The following TRAPPC10 variants were observed in gnomAD, a reference collection of about 807,000 sequenced individuals.
TRAPPC10 encodes the protein TRAPP 130 kDa subunit.
A neutral mutation model predicts 125.5 loss-of-function variants in TRAPPC10; 23 were observed. That is an observed-to-expected ratio of 0.18 (90% CI 0.13 to 0.26). The LOEUF (loss-of-function observed/expected upper bound fraction) is 0.26, where lower values mean the gene tolerates loss of function less well. TRAPPC10 is among the 10% of genes least tolerant of loss of function. The pLI is 1.00. For synonymous variants in TRAPPC10, 509 were observed against 518.0 expected, an observed-to-expected ratio of 0.98 and a Z score of 0.24; for missense variants, 1,123 against 1,308.4, an observed-to-expected ratio of 0.86 and a Z score of 2.19.
At chr21:44,012,617 C>A (rs1321674100) in intron 1 of TRAPPC10, 57 bp downstream of exon 1, 4 of 1,447,650 alleles carry the variant, frequency 2.8e-6, no homozygotes, top group African/African-American at 2.9e-5. Context: ...CGGGCCCTGG[C>A]GTTATGCACC....
chr21:44,082,599 ATAT>A lies in TRAPPC10; in HGVS notation c.1724-187_1724-185del, dbSNP rs2037831067. ...CTAGGCATTACGTAGGTATTTGCTAATATTCTGCTTTTGATACAATAGCCTTTG... is the reference window on the plus strand; with the variant it reads ...CTAGGCATTACGTAGGTATTTGCTAATCTGCTTTTGATACAATAGCCTTTG... On this transcript the variant is annotated intron_variant, in intron 13 of 22. Coordinates refer to ENST00000291574, the MANE Select transcript of TRAPPC10 (RefSeq NM_003274.5). The surrounding 1 kb of genome is among the most constrained non-coding windows in gnomAD (Gnocchi z 4.4). 6.6e-6 allele frequency among the ~76,000 whole-genome samples: 1 copy of A among 151,912 alleles called. No homozygotes were observed. The highest frequency in any genetic ancestry group is 2.1e-4 in the South Asian group (1 of 4,824).
intron 15 of TRAPPC10, 145 bp from the exon 16 acceptor site, chr21:44,086,657 A>G: frequency 1.2e-6 from 1 of 844,712 alleles, no homozygotes; most frequent in Non-Finnish European, 1.9e-6. Flanking sequence ...GCAGAAGGGA[A>G]TGGAAGTAGA....
intron 19 of TRAPPC10, 72 bp downstream of exon 19, chr21:44,092,121 T>G: frequency 1.3e-6 from 2 of 1,573,718 alleles, no homozygotes; most frequent in Non-Finnish European, 1.7e-6. Context: ...ATGTAGTATG[T>G]GTTGCGACTG....
intron 3 of TRAPPC10, among the ~76,000 whole-genome samples, chr21:44,049,058 C>T (rs568532221): frequency 1.3e-5 from 2 of 152,268 alleles, no homozygotes; most frequent in South Asian, 2.1e-4. Flanking sequence ...TCTCAGGGCT[C>T]AGCCCTGGCT....
chr21:44,033,855 C>A (rs2033778545), intron 2 of TRAPPC10, among the ~76,000 whole-genome samples: 1 of 152,024 alleles, frequency 6.6e-6, no homozygotes. Flanking sequence ...AGAGCAAGAC[C>A]CTGGCTAAAA....
At chr21:44,075,257 C>T in intron 9 of TRAPPC10, 104 bp downstream of exon 9, 1 of 802,968 alleles carries the variant, frequency 1.2e-6, no homozygotes, top group South Asian at 1.7e-5. Flanking sequence ...AATCATATTA[C>T]TCACCATTTG....
At chr21:44,081,652 C>T (rs577630980) in intron 13 of TRAPPC10, among the ~76,000 whole-genome samples, 32 of 152,048 alleles carry the variant, frequency 2.1e-4, no homozygotes, top group South Asian at 6.3e-4. Flanking sequence ...CCTGGGAGGC[C>T]GGGGCAGGCA....
chr21:44,083,405 GT>G lies in TRAPPC10; in HGVS notation c.2238+105del, dbSNP rs555724555. The G allele has an allele frequency of 6.5e-4, 855 of 1,311,342 alleles. 4 individuals are homozygous for G. In the African/African-American group the frequency reaches 0.011, roughly 17 times the overall value. The allele number at this position is 1,311,342 out of a possible 1,614,324, so 81.2% of individuals were successfully genotyped here. ...TGCTGTGAATTGAGTAGAGTCCTTTGTTCTCCTAACCCTGTTTTTGTCTCTG... is the reference window on the plus strand; with the variant it reads ...TGCTGTGAATTGAGTAGAGTCCTTTGTCTCCTAACCCTGTTTTTGTCTCTG... On this transcript the variant is annotated intron_variant, in intron 14 of 22. Transcript: ENST00000291574.
chr21:44,093,005 C>T (rs2038692580), intron 19 of TRAPPC10, among the ~76,000 whole-genome samples: 1 of 152,102 alleles, frequency 6.6e-6, no homozygotes, highest in Non-Finnish European at 1.5e-5. Flanking sequence ...CCATGTTGGT[C>T]AGGCTGGTCT....
chr21:44,075,200 GA>G, intron 9 of TRAPPC10, 47 bp downstream of exon 9: 1 of 1,374,826 alleles, frequency 7.3e-7, no homozygotes. Flanking sequence ...GGACAGTAAT[GA>G]AAATGTCCTT....
intron 10 of TRAPPC10, among the ~76,000 whole-genome samples, chr21:44,077,295 A>G (rs145693990): frequency 3.0e-4 from 45 of 152,346 alleles, no homozygotes; most frequent in African/African-American, 8.7e-4. Context: ...ATTATTAGCA[A>G]TGTCTTCTGC....
intron 3 of TRAPPC10, among the ~76,000 whole-genome samples, chr21:44,045,697 GC>G (rs1193498885): frequency 1.3e-5 from 2 of 151,818 alleles, no homozygotes; most frequent in Non-Finnish European, 2.9e-5. Context: ...GATTATAGGT[GC>G]CCGCCACCAT....
chr21:44,084,220 C>T lies in TRAPPC10; in HGVS notation c.2337C>T (p.Asp779=), dbSNP rs1569212906. The T allele has an allele frequency of 2.1e-5, 34 of 1,614,090 alleles. No homozygotes were observed. Among genetic ancestry groups the T allele is most frequent in the Non-Finnish European group, 2.9e-5 (34 of 1,179,986 alleles). Residue 779 remains aspartate, a synonymous_variant, in exon 15 of 23, where the codon GAC becomes GAT. Coordinates refer to ENST00000291574, the MANE Select transcript of TRAPPC10 (RefSeq NM_003274.5). ...ACATCTACCCCATTGTGCAGTACGA[C>T]GTGTACTCACAGGAGCCCCAGCTGC... The part of the protein sequence containing the change: ...LPHIYPIVQY[D]VYSQEPQLHV...
intron 7 of TRAPPC10, among the ~76,000 whole-genome samples, chr21:44,070,145 G>T (rs1353367687): frequency 6.6e-6 from 1 of 152,118 alleles, no homozygotes; most frequent in Admixed American, 6.5e-5. Flanking sequence ...CATAGCAGGC[G>T]TTCACCTAGG....
intron 4 of TRAPPC10, among the ~76,000 whole-genome samples, chr21:44,055,081 C>T (rs777393630): frequency 1.1e-4 from 16 of 152,290 alleles, no homozygotes; most frequent in Admixed American, 2.6e-4. Context: ...AGGCAGGGAA[C>T]TGAGTGAGGC....
Position 44,059,429 on chromosome 21 carries a change from C to T in TRAPPC10, c.790+215C>T, listed in dbSNP as rs2035868743. ...TCACTTTTAGAAGAATCTTAAGTAA[C>T]AAAAATAATAATAATTTAAAAAAAC... is the stretch of plus-strand genomic sequence containing the variant. On this transcript the variant is annotated intron_variant, in intron 6 of 22. Transcript: ENST00000291574. The surrounding 1 kb of genome is among the most constrained non-coding windows in gnomAD (Gnocchi z 4.4). 5.7e-6 allele frequency: 4 copies of T among 703,982 alleles called. No homozygotes were observed. Among genetic ancestry groups the T allele is most frequent in the Middle Eastern group, 2.7e-4 (1 of 3,760 alleles). 43.6% of individuals were successfully genotyped at this position (703,982 alleles called of 1,614,324 possible). A position where few individuals can be genotyped will look rare whatever the true frequency, so the allele number is the denominator to read the frequency against.
chr21:44,035,370 C>G (rs2033914148), intron 2 of TRAPPC10, among the ~76,000 whole-genome samples: 1 of 152,140 alleles, frequency 6.6e-6, no homozygotes, highest in Admixed American at 6.5e-5. Context: ...TATAATTTAC[C>G]CAGCCTGTGA....
intron 3 of TRAPPC10, among the ~76,000 whole-genome samples, chr21:44,040,561 T>A (rs1187264120): frequency 1.3e-5 from 2 of 152,022 alleles, no homozygotes; most frequent in Non-Finnish European, 2.9e-5. Context: ...TGGTCTTGAA[T>A]TCCTAGGTTC....
intron 12 of TRAPPC10, 60 bp from the exon 13 acceptor site, chr21:44,079,955 C>T (rs1440356388): frequency 2.7e-6 from 4 of 1,459,618 alleles, no homozygotes; most frequent in Non-Finnish European, 3.8e-6. Context: ...GACTTTGCAT[C>T]CACTTCCCCC....
Sources: gnomAD v4.1 joint callset for allele counts (sites outside exome capture counted in the v4.1 genomes callset) on GRCh38, gnomAD v4.1.1 for gene constraint, Gnocchi (gnomAD v3.1) non-coding constraint, MANE v1.5 for transcripts, NCBI Gene and HGNC (gene_info 2026-07-23, HGNC 2026-07-21) for gene names.